ADAMTS16: variants seen among roughly 807,000 people sequenced by gnomAD.
The protein encoded by ADAMTS16 is ADAM metallopeptidase with thrombospondin type 1 motif 16, also known as A disintegrin and metalloproteinase with thrombospondin motifs 16.
In ADAMTS16, 94 loss-of-function variants were observed where a neutral mutation model predicts 145.8. The ratio of observed to expected loss-of-function variants is 0.64; its 90% CI spans 0.55 to 0.77. ADAMTS16 has a LOEUF of 0.77. Among genes scored for constraint, ADAMTS16 ranks in the 30% least tolerant of loss-of-function variants. ADAMTS16 has a pLI of 0.00. For missense variants in ADAMTS16, 1,585 were observed against 1,591.5 expected, an observed-to-expected ratio of 1.00 and a Z score of 0.07; for synonymous variants, 659 against 604.3, an observed-to-expected ratio of 1.09 and a Z score of -1.33.
Position 5,140,377 on chromosome 5 carries a change from G to C in ADAMTS16, c.-91G>C. 1 of 1,293,644 alleles carries C rather than the reference G, an allele frequency of 7.7e-7. No homozygotes were observed. The highest frequency in any genetic ancestry group is 1.5e-5 in the South Asian group (1 of 64,852). 80.1% of individuals were successfully genotyped at this position (1,293,644 alleles called of 1,614,324 possible). A position where few individuals can be genotyped will look rare whatever the true frequency, so the allele number is the denominator to read the frequency against. ...CGGAGTCGCTGTGGGGAATCCTCCC[G>C]CGCTCTGCCTGGGTCGGGTCCTCCC... On this transcript the variant is annotated 5_prime_UTR_variant, in exon 1 of 23. Transcript: ENST00000274181.
chr5:5,142,311 C>T (rs270194), intron 2 of ADAMTS16: 68,172 of 152,108 alleles, frequency 0.45, 15,775 homozygotes, highest in Admixed American at 0.57. Flanking sequence ...ACACCTGGCA[C>T]CACAGTTGTT....
At chr5:5,250,709 C>CTGTGTGTGTGTG (rs66744630) in intron 17 of ADAMTS16, among the ~76,000 whole-genome samples, 5 of 122,932 alleles carry the variant, frequency 4.1e-5, no homozygotes, top group African/African-American at 8.7e-5. Context: ...TCTCTTCTCT[C>CTGTGTGTGTGTG]TGTGTGTGTG....
Position 5,269,506 on chromosome 5 carries a change from C to A in ADAMTS16, c.2789+6723C>A, listed in dbSNP as rs1484446803. Among the ~76,000 whole-genome samples, 1 of 152,184 alleles carries A rather than the reference C, an allele frequency of 6.6e-6. No individual in the cohort carries two copies. The highest frequency in any genetic ancestry group is 1.5e-5 in the Non-Finnish European group (1 of 68,044). ...ATCTCCTCCATCTCCCTGCCCCACACTCTCCACCTGGGACCTCAGACTAAA... is the reference window on the plus strand; with the variant it reads ...ATCTCCTCCATCTCCCTGCCCCACAATCTCCACCTGGGACCTCAGACTAAA... On this transcript the variant is annotated intron_variant, in intron 18 of 22. Transcript: ENST00000274181. The surrounding 1 kb of genome is among the most constrained non-coding windows in gnomAD (Gnocchi z 4.3).
intron 12 of ADAMTS16, 143 bp from the exon 13 acceptor site, chr5:5,234,869 CAA>C (rs1553993127): frequency 0.041 from 2,203 of 54,260 alleles, no homozygotes; most frequent in South Asian, 0.06. Flanking sequence ...GACTCCATCT[CAA>C]AAAAAAAAAA....
chr5:5,187,639 A>T, intron 5 of ADAMTS16, 86 bp from the exon 6 acceptor site: 1 of 843,176 alleles, frequency 1.2e-6, no homozygotes. Context: ...TCACTGAAGA[A>T]CAAGGGCGTT....
At chr5:5,222,983 T>C in intron 11 of ADAMTS16, 99 bp downstream of exon 11, 1 of 1,021,064 alleles carries the variant, frequency 9.8e-7, no homozygotes, top group Non-Finnish European at 1.5e-6. Context: ...AAACATGTAT[T>C]TCTCATATAC....
rs925018753 is a variant in ADAMTS16, at chr5:5,306,484, T to G, written c.3187-20T>G. 1.3e-6 allele frequency: 2 copies of G among 1,592,496 alleles called. No homozygotes were observed. Among genetic ancestry groups the G allele is most frequent in the Non-Finnish European group, 1.7e-6 (2 of 1,166,188 alleles). ...AAAAGAGATTTTTTTCACTGACTTC[T>G]TTTGTTCTCTTCTTTTTAGTGCTCT... On this transcript the variant is annotated intron_variant, in intron 20 of 22. Transcript: ENST00000274181.
chr5:5,254,824 T>C (rs1416608439), intron 17 of ADAMTS16, among the ~76,000 whole-genome samples: 1 of 152,190 alleles, frequency 6.6e-6, no homozygotes, highest in Non-Finnish European at 1.5e-5. Context: ...ACATTAATAC[T>C]CCTAAGTATT....
At chr5:5,161,029 CATT>C (rs1734732671) in intron 3 of ADAMTS16, among the ~76,000 whole-genome samples, 1 of 152,184 alleles carries the variant, frequency 6.6e-6, no homozygotes, top group Non-Finnish European at 1.5e-5. Context: ...TTAGTAATCA[CATT>C]ATTGAGTGTC....
intron 21 of ADAMTS16, among the ~76,000 whole-genome samples, chr5:5,311,515 G>A (rs1740439469): frequency 6.7e-6 from 1 of 149,860 alleles, no homozygotes; most frequent in African/African-American, 2.5e-5. Context: ...GTGTGCATGT[G>A]TGAGACGGCG....
rs115020210 is a variant in ADAMTS16, at chr5:5,273,819, T to C, written c.2789+11036T>C. 5.8e-3 allele frequency among the ~76,000 whole-genome samples: 883 copies of C among 152,322 alleles called. 13 individuals are homozygous for C. The highest frequency in any genetic ancestry group is 0.02 in the African/African-American group (840 of 41,574). On this transcript the variant is annotated intron_variant, in intron 18 of 22. Transcript: ENST00000274181. Reference sequence around the variant, plus strand: ...CACAATAAACCGTAAGCCAGACTAATTGAACTTATTTCATGAAACACTGAA... The same window carrying C: ...CACAATAAACCGTAAGCCAGACTAACTGAACTTATTTCATGAAACACTGAA...
At chr5:5,173,023 C>T (rs112895234) in intron 3 of ADAMTS16, among the ~76,000 whole-genome samples, 16 of 152,128 alleles carry the variant, frequency 1.1e-4, no homozygotes, top group Admixed American at 4.6e-4. Flanking sequence ...TATTTTGTCT[C>T]GTGTAAGTTT....
At chr5:5,215,872 A>ATG (rs1397963458) in intron 10 of ADAMTS16, among the ~76,000 whole-genome samples, 78 of 18,192 alleles carry the variant, frequency 4.3e-3, no homozygotes, top group African/African-American at 0.013. Flanking sequence ...GTGTATGTGT[A>ATG]TATATATATA....
At chr5:5,222,971 T>G in intron 11 of ADAMTS16, 87 bp downstream of exon 11, 1 of 1,177,826 alleles carries the variant, frequency 8.5e-7, no homozygotes, top group South Asian at 1.2e-5. Context: ...TAGGTATTTT[T>G]AAAACATGTA....
intron 4 of ADAMTS16, among the ~76,000 whole-genome samples, chr5:5,184,386 G>A (rs1396889653): frequency 5.9e-5 from 9 of 152,224 alleles, no homozygotes; most frequent in East Asian, 1.9e-4. Flanking sequence ...ACCTATGCAC[G>A]GACACATCCT....
intron 16 of ADAMTS16, among the ~76,000 whole-genome samples, chr5:5,240,693 G>A (rs776932299): frequency 2.6e-5 from 4 of 152,084 alleles, no homozygotes; most frequent in East Asian, 1.9e-4. Flanking sequence ...ATCCTCTTGC[G>A]TCTTCCTGGG....
At chr5:5,226,345 T>C (rs1355252516) in intron 11 of ADAMTS16, among the ~76,000 whole-genome samples, 1 of 152,050 alleles carries the variant, frequency 6.6e-6, no homozygotes. Context: ...AAGAGGGAGC[T>C]TGTGTAGGGG....
chr5:5,309,853 T>TGTGTGTGTGTGC (rs57752436), intron 21 of ADAMTS16, among the ~76,000 whole-genome samples: 1 of 148,316 alleles, frequency 6.7e-6, no homozygotes, highest in African/African-American at 2.4e-5. Context: ...TGTGTGTGTG[T>TGTGTGTGTGTGC]GTGCATGTGA....
intron 18 of ADAMTS16, among the ~76,000 whole-genome samples, chr5:5,265,007 T>G (rs1363283833): frequency 6.6e-6 from 1 of 152,126 alleles, no homozygotes; most frequent in African/African-American, 2.4e-5. Context: ...CTGAGCTCCA[T>G]GACAAGAGCA....
Sources: allele counts gnomAD v4.1 joint callset (sites outside exome capture counted in the v4.1 genomes callset), GRCh38; gene constraint gnomAD v4.1.1; non-coding constraint Gnocchi (gnomAD v3.1); transcripts MANE v1.5; gene names NCBI Gene and HGNC (gene_info 2026-07-23, HGNC 2026-07-21).